Variants in GRID1 observed in about 807,000 individuals in gnomAD.
GRID1 encodes the protein glutamate receptor ionotropic, delta-1.
A neutral mutation model predicts 98.0 loss-of-function variants in GRID1; 28 were observed. The ratio of observed to expected loss-of-function variants is 0.29; its 90% CI spans 0.21 to 0.39. GRID1 has a LOEUF of 0.39. GRID1 is among the 10% of genes least tolerant of loss of function. The pLI is 1.00. For missense variants in GRID1, 1,111 were observed against 1,340.5 expected (o/e 0.83, Z 2.67); for synonymous variants, 553 against 538.5 (o/e 1.03, Z -0.37).
chr10:85,898,049 T>A (rs1041109651), intron 5 of GRID1, among the ~76,000 whole-genome samples: 7 of 152,182 alleles, frequency 4.6e-5, no homozygotes, highest in Admixed American at 3.9e-4. Flanking sequence ...AGAGGGTACT[T>A]ACACAGACCT....
At chr10:86,177,236 C>T (rs955566743) in intron 3 of GRID1, among the ~76,000 whole-genome samples, 16 of 152,096 alleles carry the variant, frequency 1.1e-4, no homozygotes, top group Admixed American at 3.9e-4. Context: ...TAACACTCAG[C>T]GAAAAGGGTT....
At chr10:86,019,968 G>A (rs1490227508) in intron 4 of GRID1, among the ~76,000 whole-genome samples, 1 of 152,206 alleles carries the variant, frequency 6.6e-6, no homozygotes, top group Non-Finnish European at 1.5e-5. Context: ...AGCTTGGAAT[G>A]CCCAATCTGA....
chr10:86,299,808 AC>A (rs1233540237), intron 2 of GRID1, among the ~76,000 whole-genome samples: 5 of 152,114 alleles, frequency 3.3e-5, no homozygotes, highest in Admixed American at 6.5e-5. Context: ...CACTTGGGCC[AC>A]CAAACTGCAA....
chr10:85,999,085 C>T (rs536835899), intron 4 of GRID1, among the ~76,000 whole-genome samples: 90 of 151,862 alleles, frequency 5.9e-4, no homozygotes, highest in Non-Finnish European at 8.1e-4. Context: ...TGGTGGTGCA[C>T]GTCTATAACC....
intron 4 of GRID1, among the ~76,000 whole-genome samples, chr10:86,012,284 G>T (rs916567421): frequency 3.3e-5 from 5 of 152,178 alleles, no homozygotes; most frequent in Admixed American, 1.3e-4. Context: ...AGGCTGTAAA[G>T]TGTTGGTCAA....
intron 2 of GRID1, among the ~76,000 whole-genome samples, chr10:86,261,389 G>A (rs1191534492): frequency 6.6e-6 from 1 of 152,340 alleles, no homozygotes; most frequent in South Asian, 2.1e-4. Flanking sequence ...AGGATCGGAT[G>A]TGAAAAGCAC....
chr10:85,600,221 A>C lies in GRID1; in HGVS notation c.*2052T>G, dbSNP rs947237144. On this transcript the variant is annotated 3_prime_UTR_variant, in exon 16 of 16. Coordinates refer to ENST00000327946, the MANE Select transcript of GRID1 (RefSeq NM_017551.3). ...GCCTGCTCTTCCTCGGGGTCATGGT[A>C]GCCCACCTAGGCTTCTCTGAGCATG... 3.9e-5 allele frequency: 6 copies of C among 152,374 alleles called. No individual in the cohort carries two copies. The highest frequency in any genetic ancestry group is 7.3e-5 in the Non-Finnish European group (5 of 68,044). 9.4% of individuals were successfully genotyped at this position (152,374 alleles called of 1,614,324 possible).
chr10:85,621,844 G>A (rs1421787571), intron 13 of GRID1, among the ~76,000 whole-genome samples: 1 of 152,094 alleles, frequency 6.6e-6, no homozygotes, highest in South Asian at 2.1e-4. Flanking sequence ...CAACCTCTTA[G>A]TAACCAAGTT....
At chr10:86,325,876 G>A (rs1421090762) in intron 2 of GRID1, among the ~76,000 whole-genome samples, 1 of 152,188 alleles carries the variant, frequency 6.6e-6, no homozygotes. Flanking sequence ...ATTTAGCATT[G>A]TCCCAGACAA....
chr10:86,230,109 G>C (rs1846427202), intron 2 of GRID1, among the ~76,000 whole-genome samples: 1 of 152,116 alleles, frequency 6.6e-6, no homozygotes, highest in Non-Finnish European at 1.5e-5. Context: ...TAGCCCTCCT[G>C]CCTATGGTGA....
chr10:85,823,233 C>A (rs559987714), intron 8 of GRID1, among the ~76,000 whole-genome samples: 1 of 152,168 alleles, frequency 6.6e-6, no homozygotes, highest in East Asian at 1.9e-4. Context: ...AATTATTTTA[C>A]TTCAATCATC....
chr10:85,775,182 T>C (rs1172959781), intron 8 of GRID1, among the ~76,000 whole-genome samples: 1 of 152,156 alleles, frequency 6.6e-6, no homozygotes, highest in Non-Finnish European at 1.5e-5. Flanking sequence ...TGTAGGGATA[T>C]GGATGAAAGT....
intron 2 of GRID1, among the ~76,000 whole-genome samples, chr10:86,295,151 G>A (rs1209286348): frequency 6.6e-6 from 1 of 152,224 alleles, no homozygotes; most frequent in Non-Finnish European, 1.5e-5. Context: ...GAGCTTCGCT[G>A]TAAGTGGGTG....
intron 2 of GRID1, among the ~76,000 whole-genome samples, chr10:86,334,776 T>G (rs1848200495): frequency 6.6e-6 from 1 of 152,190 alleles, no homozygotes; most frequent in South Asian, 2.1e-4. Context: ...TAATGGACCA[T>G]GGTTGGGAGG....
chr10:86,261,535 A>C (rs1409124242), intron 2 of GRID1, among the ~76,000 whole-genome samples: 3 of 152,190 alleles, frequency 2.0e-5, no homozygotes, highest in Non-Finnish European at 4.4e-5. Context: ...GAGGTGCTCC[A>C]CTAACCGCTA....
chr10:85,636,726 A>C (rs1843047772), intron 13 of GRID1, among the ~76,000 whole-genome samples: 1 of 152,232 alleles, frequency 6.6e-6, no homozygotes, highest in Non-Finnish European at 1.5e-5. Context: ...ATAAATCACA[A>C]GGAGTTGATG....
chr10:86,139,039 A>G lies in GRID1; in HGVS notation c.521-15T>C, dbSNP rs1283773431. On this transcript the variant is annotated splice_polypyrimidine_tract_variant and intron_variant, in intron 3 of 15. Transcript: ENST00000327946. ...CCCACGGATATCTGAGCAGTGAGAG[A>G]AGAGGAGGAAAAGAAAAATCATCTT... 1.3e-6 allele frequency: 2 copies of G among 1,590,098 alleles called. No individual in the cohort carries two copies. The highest frequency in any genetic ancestry group is 1.7e-6 in the Non-Finnish European group (2 of 1,158,488).
At chr10:86,149,142 C>T (rs973288407) in intron 3 of GRID1, among the ~76,000 whole-genome samples, 8 of 152,148 alleles carry the variant, frequency 5.3e-5, no homozygotes, top group African/African-American at 1.7e-4. Context: ...TCCTGACAAT[C>T]GGGTGACACA....
intron 8 of GRID1, among the ~76,000 whole-genome samples, chr10:85,798,330 A>G (rs769094887): frequency 6.6e-6 from 1 of 152,236 alleles, no homozygotes; most frequent in Non-Finnish European, 1.5e-5. Flanking sequence ...AAGAAAAACT[A>G]AGTCACTATC....
Sources: allele counts gnomAD v4.1 joint callset (sites outside exome capture counted in the v4.1 genomes callset), GRCh38; gene constraint gnomAD v4.1.1; transcripts MANE v1.5; gene names NCBI Gene and HGNC (gene_info 2026-07-23, HGNC 2026-07-21).